The following ARL6IP6 variants were observed in gnomAD, a reference collection of about 807,000 sequenced individuals.
ARL6IP6 encodes ARF like GTPase 6 interacting protein 6.
A neutral mutation model predicts 21.5 loss-of-function variants in ARL6IP6; 22 were observed. That is an observed-to-expected ratio of 1.02 (90% CI 0.73 to 1.46). ARL6IP6 has a LOEUF of 1.46. Among genes scored for constraint, ARL6IP6 ranks in the 40% most tolerant of loss-of-function variants. ARL6IP6 has a pLI of 0.00. For missense variants in ARL6IP6, 388 were observed against 299.8 expected (o/e 1.29, Z -2.17); for synonymous variants, 164 against 125.3 (o/e 1.31, Z -2.06).
At chr2:152,719,148 A>T in intron 1 of ARL6IP6, 124 bp downstream of exon 1, 1 of 1,147,578 alleles carries the variant, frequency 8.7e-7, no homozygotes, top group Non-Finnish European at 1.2e-6. Flanking sequence ...TTTCACCCAG[A>T]GTCCTCATTT....
chr2:152,753,803 C>T (rs1701450119), intron 3 of ARL6IP6, among the ~76,000 whole-genome samples: 1 of 150,624 alleles, frequency 6.6e-6, no homozygotes, highest in Non-Finnish European at 1.5e-5. Context: ...GGGTTCACAC[C>T]ATTCTGCCTC....
chr2:152,720,096 CT>C (rs1699709479), intron 1 of ARL6IP6: 1 of 342,232 alleles, frequency 2.9e-6, no homozygotes. Flanking sequence ...CTTTTTTGCC[CT>C]TTTTTGCAAT....
At chr2:152,742,570 TAAAAAAAA>T (rs71396304) in intron 3 of ARL6IP6, among the ~76,000 whole-genome samples, 1 of 115,994 alleles carries the variant, frequency 8.6e-6, no homozygotes, top group African/African-American at 3.3e-5. Flanking sequence ...ATACGCTCTT[TAAAAAAAA>T]AAAAAAAAAA....
intron 2 of ARL6IP6, among the ~76,000 whole-genome samples, chr2:152,722,835 G>T (rs1022435672): frequency 1.3e-5 from 2 of 152,198 alleles, no homozygotes; most frequent in Non-Finnish European, 2.9e-5. Context: ...TTGAACCGGG[G>T]AGGTGGAGGT....
chr2:152,735,125 A>C lies in ARL6IP6; in HGVS notation c.586A>C (p.Lys196Gln). ...PPTPLSPARF[K>Q]KLTGHSFHMG... Reference sequence around the variant, plus strand: ...TACTCCTCTTTCACCTGCCAGGTTCAAGTAAGTATTCCTGTTTCCTGTTTC... The same window carrying C: ...TACTCCTCTTTCACCTGCCAGGTTCCAGTAAGTATTCCTGTTTCCTGTTTC... The change falls in exon 3 of 4, where the codon AAG becomes CAG. Residue 196 changes from lysine to glutamine, a missense_variant and splice_region_variant. By Grantham distance (53) the Lys-to-Gln change is moderately conservative. Coordinates refer to ENST00000326446, the MANE Select transcript of ARL6IP6 (RefSeq NM_152522.7). The C allele has an allele frequency of 6.2e-7, 1 of 1,613,558 alleles. No individual in the cohort carries two copies. Among genetic ancestry groups the C allele is most frequent in the South Asian group, 1.1e-5 (1 of 91,072 alleles).
intron 3 of ARL6IP6, among the ~76,000 whole-genome samples, chr2:152,751,050 T>G (rs752150109): frequency 1.3e-5 from 2 of 152,224 alleles, no homozygotes; most frequent in Non-Finnish European, 2.9e-5. Flanking sequence ...TGGGATTTTT[T>G]TTCTTGTTTT....
At chr2:152,717,985 G>A (rs1052915038), upstream of ARL6IP6, 51 of 999,810 alleles carry the variant, frequency 5.1e-5, no homozygotes, top group East Asian at 1.1e-4. Flanking sequence ...TTCGATCTCC[G>A]TACGCACCAG....
chr2:152,733,920 A>G (rs1366337218), intron 2 of ARL6IP6, among the ~76,000 whole-genome samples: 1 of 152,166 alleles, frequency 6.6e-6, no homozygotes, highest in Non-Finnish European at 1.5e-5. Context: ...ACCAACACAT[A>G]GTAGCCCCTC....
intron 2 of ARL6IP6, among the ~76,000 whole-genome samples, chr2:152,733,185 A>G (rs1428321654): frequency 1.3e-5 from 2 of 152,078 alleles, no homozygotes; most frequent in Admixed American, 1.3e-4. Flanking sequence ...GTAAGTGGTC[A>G]CCCCATTGAA....
chr2:152,756,660 G>C (rs996810838), intron 3 of ARL6IP6, among the ~76,000 whole-genome samples: 3 of 152,024 alleles, frequency 2.0e-5, no homozygotes, highest in Non-Finnish European at 4.4e-5. Context: ...CATCAAAAAA[G>C]AGGCTTTCTG....
At chr2:152,724,522 T>G (rs1254543739) in intron 2 of ARL6IP6, among the ~76,000 whole-genome samples, 2 of 152,250 alleles carry the variant, frequency 1.3e-5, no homozygotes, top group African/African-American at 4.8e-5. Context: ...ATTAGCCATG[T>G]GCAGCTAAAT....
At chr2:152,726,507 A>G (rs1559225255) in intron 2 of ARL6IP6, among the ~76,000 whole-genome samples, 1 of 152,230 alleles carries the variant, frequency 6.6e-6, no homozygotes, top group Non-Finnish European at 1.5e-5. Context: ...TGATTTAGAG[A>G]GGATACCAAA....
chr2:152,717,815 C>G, upstream of ARL6IP6: 2 of 1,144,742 alleles, frequency 1.7e-6, no homozygotes, highest in Non-Finnish European at 2.2e-6. Flanking sequence ...GCCCGAGTTA[C>G]GTACGCCCCA....
chr2:152,739,254 G>C (rs62179640), intron 3 of ARL6IP6, among the ~76,000 whole-genome samples: 1 of 152,058 alleles, frequency 6.6e-6, no homozygotes, highest in African/African-American at 2.4e-5. Flanking sequence ...CAAAGTACTG[G>C]GATTACAGGC....
chr2:152,735,235 T>G lies in ARL6IP6; in HGVS notation c.587+109T>G, dbSNP rs73971963. 2,352 of 1,215,906 alleles carry G rather than the reference T, an allele frequency of 1.9e-3. 40 individuals are homozygous for G. The African/African-American group carries it at 0.032, about 17-fold the overall frequency. 75.3% of individuals were successfully genotyped at this position (1,215,906 alleles called of 1,614,324 possible). A position where few individuals can be genotyped will look rare whatever the true frequency, so the allele number is the denominator to read the frequency against. ...CGTGAGGTATGTTGAGGTTTCAGTC[T>G]TTATAAAGCACTAATAACAGGACTT... is the stretch of plus-strand genomic sequence containing the variant. On this transcript the variant is annotated intron_variant, in intron 3 of 3. Coordinates refer to ENST00000326446, the MANE Select transcript of ARL6IP6 (RefSeq NM_152522.7).
intron 1 of ARL6IP6, among the ~76,000 whole-genome samples, chr2:152,719,455 A>G (rs1462146873): frequency 6.6e-6 from 1 of 152,212 alleles, no homozygotes. Flanking sequence ...ATCTTGAGGG[A>G]CAAAGATTTT....
intron 3 of ARL6IP6, among the ~76,000 whole-genome samples, chr2:152,736,899 G>C (rs528751498): frequency 6.6e-6 from 1 of 152,228 alleles, no homozygotes; most frequent in South Asian, 2.1e-4. Context: ...TTTTATATAA[G>C]GGACTTGAAC....
intron 3 of ARL6IP6, among the ~76,000 whole-genome samples, chr2:152,744,259 T>C (rs1700946735): frequency 6.6e-6 from 1 of 152,168 alleles, no homozygotes; most frequent in Non-Finnish European, 1.5e-5. Context: ...TATATTTTTA[T>C]CATAACTAGA....
chr2:152,720,006 TA>T (rs1164978965), intron 1 of ARL6IP6: 2 of 456,386 alleles, frequency 4.4e-6, no homozygotes, highest in African/African-American at 4.1e-5. Context: ...CATAAAATGG[TA>T]AACTGAATGT....
Sources: allele counts gnomAD v4.1 joint callset (sites outside exome capture counted in the v4.1 genomes callset), GRCh38; gene constraint gnomAD v4.1.1; transcripts MANE v1.5; gene names NCBI Gene and HGNC (gene_info 2026-07-23, HGNC 2026-07-21).